Variants in UTRN observed in about 807,000 individuals in gnomAD.
UTRN encodes the protein utrophin.
In UTRN, 283 loss-of-function variants were observed where a neutral mutation model predicts 463.9. That is an observed-to-expected ratio of 0.61 (90% CI 0.55 to 0.67). The LOEUF (loss-of-function observed/expected upper bound fraction) is 0.67. UTRN is among the 30% of genes least tolerant of loss of function. UTRN has a pLI of 0.00. For missense variants in UTRN, 3,922 were observed against 4,084.3 expected (o/e 0.96, Z 1.08); for synonymous variants, 1,442 against 1,431.5 (o/e 1.01, Z -0.17).
chr6:144,573,049 C>A (rs981517824), intron 50 of UTRN, among the ~76,000 whole-genome samples: 3 of 152,174 alleles, frequency 2.0e-5, no homozygotes, highest in Non-Finnish European at 4.4e-5. Context: ...CACATCCTCT[C>A]CAGCATCTGT....
chr6:144,671,303 T>C (rs1439804813), intron 51 of UTRN, among the ~76,000 whole-genome samples: 1 of 152,158 alleles, frequency 6.6e-6, no homozygotes, highest in East Asian at 1.9e-4. Context: ...TTGTGTTGTC[T>C]GTGATTTCTT....
intron 45 of UTRN, 30 bp from the exon 46 acceptor site, chr6:144,542,765 C>T: frequency 1.3e-6 from 2 of 1,599,832 alleles, no homozygotes; most frequent in Non-Finnish European, 1.7e-6. Flanking sequence ...ACGTAGTATT[C>T]TTCTCTTTCT....
chr6:144,411,020 G>A (rs1006281277), intron 3 of UTRN, among the ~76,000 whole-genome samples: 2 of 152,126 alleles, frequency 1.3e-5, no homozygotes, highest in South Asian at 4.1e-4. Context: ...GAATTGTGCT[G>A]CTATAAACAT....
At chr6:144,375,070 G>A (rs1780341022) in intron 2 of UTRN, among the ~76,000 whole-genome samples, 1 of 151,752 alleles carries the variant, frequency 6.6e-6, no homozygotes, top group Non-Finnish European at 1.5e-5. Flanking sequence ...TACTTCTTTT[G>A]GGCAGTAGCT....
chr6:144,493,493 C>T (rs764862208), intron 33 of UTRN, 37 bp downstream of exon 33: 15 of 1,501,598 alleles, frequency 1.0e-5, no homozygotes, highest in Non-Finnish European at 1.3e-5. Flanking sequence ...CTCTCTGTCT[C>T]TCTCTCTCTC....
At chr6:144,634,383 T>A (rs1562683400) in intron 51 of UTRN, among the ~76,000 whole-genome samples, 1 of 152,192 alleles carries the variant, frequency 6.6e-6, no homozygotes, top group Admixed American at 6.5e-5. Flanking sequence ...AGCGTTGCCA[T>A]GTGGGTGACA....
chr6:144,663,073 G>A (rs984922673), intron 51 of UTRN, among the ~76,000 whole-genome samples: 1 of 152,120 alleles, frequency 6.6e-6, no homozygotes, highest in African/African-American at 2.4e-5. Flanking sequence ...ACCAGAAAGG[G>A]CAAGGCTAGG....
chr6:144,668,202 T>C (rs901151169), intron 51 of UTRN, among the ~76,000 whole-genome samples: 1 of 152,206 alleles, frequency 6.6e-6, no homozygotes, highest in Non-Finnish European at 1.5e-5. Context: ...TCACCTCATG[T>C]AACTGACATC....
At chr6:144,634,576 A>T (rs1018139761) in intron 51 of UTRN, among the ~76,000 whole-genome samples, 2 of 152,212 alleles carry the variant, frequency 1.3e-5, no homozygotes, top group Non-Finnish European at 2.9e-5. Context: ...TTGCAATATA[A>T]TTCATATTCC....
intron 65 of UTRN, among the ~76,000 whole-genome samples, chr6:144,808,925 T>A (rs1225842395): frequency 6.6e-6 from 1 of 152,184 alleles, no homozygotes; most frequent in Non-Finnish European, 1.5e-5. Context: ...ATACTTAGTT[T>A]GATTCCATAT....
chr6:144,755,218 C>T (rs554374676), intron 57 of UTRN, among the ~76,000 whole-genome samples: 3 of 152,252 alleles, frequency 2.0e-5, no homozygotes, highest in Non-Finnish European at 2.9e-5. Context: ...AAATCACTCC[C>T]CATAAATCTT....
At chr6:144,593,039 C>G (rs1477451484) in intron 51 of UTRN, among the ~76,000 whole-genome samples, 2 of 152,250 alleles carry the variant, frequency 1.3e-5, no homozygotes, top group East Asian at 3.9e-4. Flanking sequence ...TTTAAAATGT[C>G]AGAGAAGTGT....
chr6:144,600,605 A>G (rs918249221), intron 51 of UTRN, among the ~76,000 whole-genome samples: 1 of 152,230 alleles, frequency 6.6e-6, no homozygotes, highest in African/African-American at 2.4e-5. Context: ...GTTTGAATCT[A>G]GAAGAGGTTG....
At chr6:144,701,200 C>G (rs577722310) in intron 53 of UTRN, among the ~76,000 whole-genome samples, 2 of 152,058 alleles carry the variant, frequency 1.3e-5, no homozygotes, top group Non-Finnish European at 2.9e-5. Flanking sequence ...AGCCACCTTA[C>G]CCGACCTGAG....
At chr6:144,547,638 G>T (rs1030063500) in intron 46 of UTRN, among the ~76,000 whole-genome samples, 2 of 152,130 alleles carry the variant, frequency 1.3e-5, no homozygotes, top group African/African-American at 4.8e-5. Context: ...GCCAAGGTCA[G>T]ATTTCTCTGC....
intron 46 of UTRN, among the ~76,000 whole-genome samples, chr6:144,547,074 TAACCTAGAGCTTCTCAG>T (rs1170912649): frequency 6.6e-6 from 1 of 152,238 alleles, no homozygotes; most frequent in Non-Finnish European, 1.5e-5. Context: ...GTAGGCATCT[TAACCTAGAGCTTCTCAG>T]ATGTCACTTT....
At chr6:144,624,648 A>G (rs1465981080) in intron 51 of UTRN, among the ~76,000 whole-genome samples, 1 of 152,174 alleles carries the variant, frequency 6.6e-6, no homozygotes, top group Non-Finnish European at 1.5e-5. Flanking sequence ...GCTGGGCAGA[A>G]GGGGCAATGG....
At position 144,301,536 on chromosome 6, in the gene UTRN, CTTTTTTTTTTTTTT is replaced by C. The variant is rs200484231; in HGVS notation, c.79+9641_79+9654del. Among the ~76,000 whole-genome samples, 38 of 92,764 alleles carry C rather than the reference CTTTTTTTTTTTTTT, an allele frequency of 4.1e-4. No homozygotes were observed. In the South Asian group the frequency reaches 0.013, roughly 31 times the overall value. 60.9% of individuals were successfully genotyped at this position (92,764 alleles called of 152,430 possible). A position where few individuals can be genotyped will look rare whatever the true frequency, so the allele number is the denominator to read the frequency against. ...CATGCCATCCTATCTTTCTTTCTTTCTTTTTTTTTTTTTTTTTTTTTTTTTGAGACAGGGTCTTG... is the reference window on the plus strand; with the variant it reads ...CATGCCATCCTATCTTTCTTTCTTTCTTTTTTTTTTTGAGACAGGGTCTTG... On this transcript the variant is annotated intron_variant, in intron 2 of 74. Transcript: ENST00000367545.
chr6:144,816,273 AT>A (rs750405487), intron 65 of UTRN, among the ~76,000 whole-genome samples: 112 of 151,850 alleles, frequency 7.4e-4, no homozygotes, highest in Non-Finnish European at 1.2e-3. Flanking sequence ...AATATGTCAG[AT>A]TTTTTTTTAA....
Sources: allele counts gnomAD v4.1 joint callset (sites outside exome capture counted in the v4.1 genomes callset), GRCh38; gene constraint gnomAD v4.1.1; transcripts MANE v1.5; gene names NCBI Gene and HGNC (gene_info 2026-07-23, HGNC 2026-07-21).